CDC73: variants seen among roughly 807,000 people sequenced by gnomAD.
CDC73 encodes the protein cell division cycle 73, also known as parafibromin.
CDC73 carries 21 observed loss-of-function variants against 83.7 expected under a neutral mutation model. The ratio of observed to expected loss-of-function variants is 0.25; its 90% CI spans 0.18 to 0.36. CDC73 has a LOEUF of 0.36. CDC73 is among the 10% of genes least tolerant of loss of function. The probability of loss-of-function intolerance (pLI) is 1.00; values close to 1 mark genes in which losing one functional copy is unlikely to be tolerated. For missense variants in CDC73, 342 were observed against 653.3 expected (o/e 0.52, Z 5.19); for synonymous variants, 224 against 212.9 (o/e 1.05, Z -0.45).
rs925676253 is a variant in CDC73, at chr1:193,250,658, C to T, written c.1560-18C>T. On this transcript the variant is annotated intron_variant, in intron 16 of 16. Coordinates refer to ENST00000367435, the MANE Select transcript of CDC73 (RefSeq NM_024529.5). ...AAATTCCTATAGTCATTATAACCTA[C>T]CATAATATTTTTTTCAGGTACATGG... 1 of 1,579,948 alleles carries T rather than the reference C, an allele frequency of 6.3e-7. No individual in the cohort carries two copies.
chr1:193,141,886 T>C lies in CDC73; in HGVS notation c.549T>C (p.Ala183=), dbSNP rs778867241. Residue 183 remains alanine, a synonymous_variant, in exon 7 of 17, where the codon GCT becomes GCC. Transcript: ENST00000367435. ...LSEAMSVEKI[A]AIKAKIMAKK... is the part of the protein sequence containing the mutation. ...AAGCTATGTCAGTGGAAAAAATTGC[T>C]GCAATCAAAGCCAAAATTATGGCTA... The C allele has an allele frequency of 6.2e-7, 1 of 1,613,720 alleles. No homozygotes were observed. The highest frequency in any genetic ancestry group is 1.1e-5 in the South Asian group (1 of 91,048).
chr1:193,232,192 C>G (rs781294647), intron 13 of CDC73, among the ~76,000 whole-genome samples: 29 of 151,718 alleles, frequency 1.9e-4, no homozygotes, highest in Non-Finnish European at 4.0e-4. Context: ...CAAGGCTACT[C>G]TGAAGTTTGA....
At chr1:193,166,573 C>T (rs1042043866) in intron 10 of CDC73, among the ~76,000 whole-genome samples, 3 of 152,044 alleles carry the variant, frequency 2.0e-5, no homozygotes, top group Non-Finnish European at 4.4e-5. Flanking sequence ...TTTAGGCTTA[C>T]AGGCCGATAG....
At chr1:193,206,923 A>C (rs1202613120) in intron 11 of CDC73, among the ~76,000 whole-genome samples, 1 of 152,236 alleles carries the variant, frequency 6.6e-6, no homozygotes, top group Non-Finnish European at 1.5e-5. Context: ...CAACCTCTCA[A>C]AATTCATTTA....
chr1:193,235,792 G>A (rs114500304), intron 14 of CDC73, among the ~76,000 whole-genome samples: 1,862 of 152,258 alleles, frequency 0.012, 19 homozygotes, highest in South Asian at 0.034. Context: ...CTGGGACCTC[G>A]TAAAATGGTT....
intron 10 of CDC73, among the ~76,000 whole-genome samples, chr1:193,166,347 G>A (rs537301052): frequency 6.6e-6 from 1 of 152,170 alleles, no homozygotes; most frequent in South Asian, 2.1e-4. Flanking sequence ...GTAGAGACAC[G>A]GTTCACTGTG....
intron 15 of CDC73, among the ~76,000 whole-genome samples, chr1:193,247,576 A>G (rs1447105463): frequency 6.6e-6 from 1 of 152,146 alleles, no homozygotes; most frequent in Non-Finnish European, 1.5e-5. Flanking sequence ...GAGACAGGCC[A>G]AAAGCTAGGT....
intron 10 of CDC73, among the ~76,000 whole-genome samples, chr1:193,195,043 A>G (rs1457227073): frequency 6.6e-6 from 1 of 152,158 alleles, no homozygotes; most frequent in East Asian, 1.9e-4. Context: ...GATTGTTACA[A>G]TGAATTGACT....
intron 2 of CDC73, among the ~76,000 whole-genome samples, chr1:193,129,529 C>T (rs1305182080): frequency 2.8e-4 from 12 of 43,272 alleles, no homozygotes; most frequent in African/African-American, 5.2e-4. Flanking sequence ...TATTTAGAGA[C>T]GGAATCTCTC....
At chr1:193,133,005 C>A (rs1014418573) in intron 3 of CDC73, among the ~76,000 whole-genome samples, 1 of 151,320 alleles carries the variant, frequency 6.6e-6, no homozygotes, top group Non-Finnish European at 1.5e-5. Flanking sequence ...GGGTGCATGC[C>A]ATTCTTCTGC....
chr1:193,149,503 A>G (rs928661357), intron 8 of CDC73, among the ~76,000 whole-genome samples: 15 of 152,172 alleles, frequency 9.9e-5, no homozygotes, highest in Non-Finnish European at 1.3e-4. Flanking sequence ...AAACAGTTTT[A>G]CCATTTGTGA....
intron 10 of CDC73, chr1:193,181,201 C>T: frequency 1.2e-6 from 2 of 1,613,798 alleles, no homozygotes; most frequent in Non-Finnish European, 1.7e-6. Context: ...ATTGTAAATA[C>T]TTCCATTGGC....
intron 1 of CDC73, among the ~76,000 whole-genome samples, chr1:193,123,073 T>A (rs1181464775): frequency 6.6e-6 from 1 of 152,132 alleles, no homozygotes; most frequent in Non-Finnish European, 1.5e-5. Flanking sequence ...GCTCTAACAG[T>A]CATTAGGGGC....
At chr1:193,142,823 A>G (rs1336972800) in intron 7 of CDC73, among the ~76,000 whole-genome samples, 1 of 152,250 alleles carries the variant, frequency 6.6e-6, no homozygotes, top group Non-Finnish European at 1.5e-5. Flanking sequence ...ATTTTGAAAG[A>G]TAAAAATCTG....
intron 13 of CDC73, among the ~76,000 whole-genome samples, chr1:193,213,611 C>T (rs894711467): frequency 4.6e-5 from 7 of 152,130 alleles, no homozygotes; most frequent in East Asian, 1.9e-4. Flanking sequence ...TTAATATTTT[C>T]GTAGTGTTTG....
intron 10 of CDC73, among the ~76,000 whole-genome samples, chr1:193,161,373 C>T (rs897402714): frequency 1.3e-5 from 2 of 151,086 alleles, no homozygotes; most frequent in African/African-American, 4.9e-5. Context: ...ATTTTAAGAT[C>T]TTACTTTTGT....
At chr1:193,228,457 A>G (rs992759433) in intron 13 of CDC73, among the ~76,000 whole-genome samples, 5 of 152,226 alleles carry the variant, frequency 3.3e-5, no homozygotes, top group African/African-American at 9.6e-5. Flanking sequence ...AGTTGCAATA[A>G]TCCACACAAT....
intron 14 of CDC73, among the ~76,000 whole-genome samples, chr1:193,234,329 AAC>A (rs1431740406): frequency 1.3e-4 from 6 of 44,634 alleles, no homozygotes; most frequent in African/African-American, 2.0e-4. Context: ...ATATATTTAA[AAC>A]ACACACATAA....
At chr1:193,250,530 G>A in intron 16 of CDC73, 146 bp from the exon 17 acceptor site, 1 of 634,418 alleles carries the variant, frequency 1.6e-6, no homozygotes, top group Non-Finnish European at 2.8e-6. Context: ...TTATTCCAGA[G>A]TCTTTATATT....
Sources: allele counts gnomAD v4.1 joint callset (sites outside exome capture counted in the v4.1 genomes callset), GRCh38; gene constraint gnomAD v4.1.1; transcripts MANE v1.5; gene names NCBI Gene and HGNC (gene_info 2026-07-23, HGNC 2026-07-21).